GJC1: variants seen among roughly 807,000 people sequenced by gnomAD.
GJC1 encodes the protein gap junction gamma-1 protein.
A neutral mutation model predicts 29.3 loss-of-function variants in GJC1; 5 were observed. That is an observed-to-expected ratio of 0.17 (90% CI 0.09 to 0.36). The LOEUF (loss-of-function observed/expected upper bound fraction) is 0.36, where lower values mean the gene tolerates loss of function less well. GJC1 is among the 10% of genes least tolerant of loss of function. The probability of loss-of-function intolerance (pLI) is 1.00; values close to 1 mark genes in which losing one functional copy is unlikely to be tolerated. For synonymous variants in GJC1, 177 were observed against 183.3 expected (o/e 0.97, Z 0.28); for missense variants, 310 against 496.2 (o/e 0.62, Z 3.56).
chr17:44,828,743 T>C (rs1424736169), intron 1 of GJC1, among the ~76,000 whole-genome samples: 1 of 152,310 alleles, frequency 6.6e-6, no homozygotes, highest in East Asian at 1.9e-4. Context: ...AATATTTTAA[T>C]CAGGAGCTCT....
chr17:44,814,303 G>A (rs182091573), intron 1 of GJC1, among the ~76,000 whole-genome samples: 1 of 151,878 alleles, frequency 6.6e-6, no homozygotes, highest in African/African-American at 2.4e-5. Context: ...ACCACGCCCG[G>A]CTAATTTTTT....
chr17:44,794,653 A>G (rs1232309856), downstream of GJC1: 3 of 152,242 alleles, frequency 2.0e-5, no homozygotes, highest in Non-Finnish European at 4.4e-5. Flanking sequence ...AAAGAAAGCG[A>G]TCTAGTTCTG....
At chr17:44,809,471 C>G (rs2049948521) in intron 1 of GJC1, among the ~76,000 whole-genome samples, 2 of 152,134 alleles carry the variant, frequency 1.3e-5, no homozygotes, top group Admixed American at 1.3e-4. Flanking sequence ...TCCCCAAAGC[C>G]TGAAATTTCT....
downstream of GJC1, chr17:44,794,830 T>C (rs1373128882): frequency 6.6e-6 from 1 of 152,032 alleles, no homozygotes; most frequent in Admixed American, 6.6e-5. Flanking sequence ...CTTGTGGCGG[T>C]TTGGCTGAGG....
rs1009828529 is a variant in GJC1, at chr17:44,807,411, G to C, written c.-38C>G. The C allele has an allele frequency of 6.6e-6, 1 of 152,082 alleles. No homozygotes were observed. Among genetic ancestry groups the C allele is most frequent in the African/African-American group, 2.4e-5 (1 of 41,396 alleles). The allele number at this position is 152,082 out of a possible 1,614,324, so 9.4% of individuals were successfully genotyped here. A position where few individuals can be genotyped will look rare whatever the true frequency, so the allele number is the denominator to read the frequency against. Reference sequence around the variant, plus strand: ...CACTTTACCTGTTGTCCAGAACTTCGGTTACCCAAAATTTTCTTAGAGAAA... The same window carrying C: ...CACTTTACCTGTTGTCCAGAACTTCCGTTACCCAAAATTTTCTTAGAGAAA... On this transcript the variant is annotated 5_prime_UTR_variant, in exon 2 of 3. Transcript: ENST00000592524.
chr17:44,822,558 G>T (rs187873285), intron 1 of GJC1, among the ~76,000 whole-genome samples: 1 of 146,596 alleles, frequency 6.8e-6, no homozygotes, highest in Non-Finnish European at 1.5e-5. Context: ...CAGGAGAATC[G>T]CCTGAAACCG....
intron 1 of GJC1, among the ~76,000 whole-genome samples, chr17:44,815,344 C>T (rs565790058): frequency 4.7e-4 from 72 of 152,156 alleles, no homozygotes; most frequent in Non-Finnish European, 7.8e-4. Context: ...TACTTTTATA[C>T]TTAATATCTT....
At chr17:44,815,634 C>T (rs1344625772) in intron 1 of GJC1, among the ~76,000 whole-genome samples, 1 of 151,940 alleles carries the variant, frequency 6.6e-6, no homozygotes, top group Admixed American at 6.6e-5. Context: ...GATACGTTCC[C>T]CCTCATATAT....
intron 1 of GJC1, among the ~76,000 whole-genome samples, chr17:44,810,468 T>G (rs2049965558): frequency 6.6e-6 from 1 of 152,194 alleles, no homozygotes. Flanking sequence ...CTGATTAAGC[T>G]GCAGACGTGG....
At chr17:44,825,389 C>T (rs1305679083) in intron 1 of GJC1, among the ~76,000 whole-genome samples, 1 of 151,902 alleles carries the variant, frequency 6.6e-6, no homozygotes, top group Non-Finnish European at 1.5e-5. Context: ...ACTTGGGAGG[C>T]TGAGGCAAGA....
intron 1 of GJC1, among the ~76,000 whole-genome samples, chr17:44,815,766 T>G (rs1235398917): frequency 6.9e-6 from 1 of 145,462 alleles, no homozygotes; most frequent in Non-Finnish European, 1.5e-5. Context: ...TTTTACTGAC[T>G]TCCTTCAAAT....
intron 1 of GJC1, among the ~76,000 whole-genome samples, chr17:44,809,672 G>A (rs2145316141): frequency 6.6e-6 from 1 of 150,512 alleles, no homozygotes; most frequent in Middle Eastern, 3.4e-3. Flanking sequence ...CCAGGTTCAA[G>A]CAATTCTCCT....
At chr17:44,814,286 G>A (rs1001369403) in intron 1 of GJC1, among the ~76,000 whole-genome samples, 14 of 151,776 alleles carry the variant, frequency 9.2e-5, no homozygotes, top group African/African-American at 3.1e-4. Flanking sequence ...GACTACAGGT[G>A]CCCGCCACCA....
chr17:44,826,764 C>T (rs2050181471), intron 1 of GJC1, among the ~76,000 whole-genome samples: 1 of 152,108 alleles, frequency 6.6e-6, no homozygotes, highest in Non-Finnish European at 1.5e-5. Flanking sequence ...AATGCTCAAA[C>T]GCCCAGCTAG....
rs769271893 is a variant in GJC1 at position 44,818,367 on chromosome 17, G to A, written c.-96-10898C>T. On this transcript the variant is annotated intron_variant, in intron 1 of 2. Coordinates refer to ENST00000592524, the MANE Select transcript of GJC1 (RefSeq NM_005497.4). ...GGTAGCTGGGGAGGAAGGAATAAAC[G>A]GTATCTTTGACAAAAATGATTTATT... is the stretch of plus-strand genomic sequence containing the variant. 5.4e-4 allele frequency among the ~76,000 whole-genome samples: 82 copies of A among 152,034 alleles called. 1 individual carries two copies. Among genetic ancestry groups the A allele is most frequent in the Non-Finnish European group, 1.5e-4 (10 of 68,002 alleles).
At chr17:44,807,809 A>G (rs1157532593) in intron 1 of GJC1, 2 of 152,146 alleles carry the variant, frequency 1.3e-5, no homozygotes, top group African/African-American at 4.8e-5. Context: ...AAAGCAGGTC[A>G]CTAAAGGCCT....
chr17:44,817,877 T>TGGCCACC (rs2050061458), intron 1 of GJC1, among the ~76,000 whole-genome samples: 1 of 152,040 alleles, frequency 6.6e-6, no homozygotes, highest in African/African-American at 2.4e-5. Flanking sequence ...GTACAGGTTC[T>TGGCCACC]ATGTGACCCT....
intron 1 of GJC1, among the ~76,000 whole-genome samples, chr17:44,821,793 A>C (rs924540056): frequency 6.6e-6 from 1 of 151,808 alleles, no homozygotes; most frequent in Non-Finnish European, 1.5e-5. Flanking sequence ...CTTTTCTGGA[A>C]GGCATCTTGG....
chr17:44,811,388 CTTTTTTTT>C (rs573359174), intron 1 of GJC1, among the ~76,000 whole-genome samples: 3 of 128,068 alleles, frequency 2.3e-5, no homozygotes, highest in African/African-American at 8.5e-5. Context: ...GGCCTTTTTT[CTTTTTTTT>C]TTTTTTTTTT....
Sources: gnomAD v4.1 joint callset for allele counts (sites outside exome capture counted in the v4.1 genomes callset) on GRCh38, gnomAD v4.1.1 for gene constraint, MANE v1.5 for transcripts, NCBI Gene and HGNC (gene_info 2026-07-23, HGNC 2026-07-21) for gene names.